Variants in IGFBP2 observed in about 807,000 individuals in gnomAD.
The protein encoded by IGFBP2 is insulin-like growth factor-binding protein 2.
In IGFBP2, 12 loss-of-function variants were observed where a neutral mutation model predicts 26.2. That is an observed-to-expected ratio of 0.46 (90% CI 0.29 to 0.74). The LOEUF is 0.74. Among genes scored for constraint, IGFBP2 ranks in the 30% least tolerant of loss-of-function variants. The probability of loss-of-function intolerance (pLI) is 0.09; values close to 1 mark genes in which losing one functional copy is unlikely to be tolerated. For missense variants in IGFBP2, 328 were observed against 441.2 expected, an observed-to-expected ratio of 0.74 and a Z score of 2.30; for synonymous variants, 189 against 200.6, an observed-to-expected ratio of 0.94 and a Z score of 0.49.
At chr2:216,634,912 C>T (rs1342334303) in intron 1 of IGFBP2, among the ~76,000 whole-genome samples, 5 of 21,636 alleles carry the variant, frequency 2.3e-4, no homozygotes, top group Non-Finnish European at 6.7e-4. Context: ...TTTTTAATTA[C>T]GAAAGCCTCC....
chr2:216,643,466 C>T (rs1406370744), intron 1 of IGFBP2, among the ~76,000 whole-genome samples: 1 of 152,150 alleles, frequency 6.6e-6, no homozygotes, highest in East Asian at 1.9e-4. Context: ...AAGGCGGATG[C>T]TTGAGTCTCT....
Position 216,661,843 on chromosome 2 carries a change from T to C in IGFBP2, c.673-15T>C. 2 of 1,614,050 alleles carry C rather than the reference T, an allele frequency of 1.2e-6. No homozygotes were observed. The highest frequency in any genetic ancestry group is 1.7e-6 in the Non-Finnish European group (2 of 1,180,024). On this transcript the variant is annotated splice_polypyrimidine_tract_variant and intron_variant, in intron 2 of 3. Transcript: ENST00000233809. ...TGTCCTCACTCCGGGCGTCCCCTGCTGTCTGTGCGTGCAGACTCCCTGCCA... is the reference window on the plus strand; with the variant it reads ...TGTCCTCACTCCGGGCGTCCCCTGCCGTCTGTGCGTGCAGACTCCCTGCCA...
chr2:216,639,058 GCTGGAGTGCAGTCGCCCAGC>G (rs1466764870), intron 1 of IGFBP2, among the ~76,000 whole-genome samples: 3 of 134,468 alleles, frequency 2.2e-5, no homozygotes, highest in Non-Finnish European at 4.7e-5. Context: ...CGTCGCCCAG[GCTGGAGTGCAGTCGCCCAGC>G]CTGGAGTGCA....
At chr2:216,639,439 T>A (rs1358195936) in intron 1 of IGFBP2, among the ~76,000 whole-genome samples, 1 of 152,088 alleles carries the variant, frequency 6.6e-6, no homozygotes, top group East Asian at 1.9e-4. Context: ...GACAGGGGGC[T>A]GCTGAAAGGA....
intron 1 of IGFBP2, among the ~76,000 whole-genome samples, chr2:216,637,427 G>A (rs1393477278): frequency 1.3e-5 from 2 of 152,208 alleles, no homozygotes; most frequent in Non-Finnish European, 2.9e-5. Flanking sequence ...CTGACGCCTG[G>A]GGCTGCCGTT....
chr2:216,633,488 T>C lies in IGFBP2; in HGVS notation c.-36T>C. 1.7e-6 allele frequency: 1 copy of C among 578,666 alleles called. No individual in the cohort carries two copies. Among genetic ancestry groups the C allele is most frequent in the Non-Finnish European group, 2.2e-6 (1 of 455,958 alleles). The allele number at this position is 578,666 out of a possible 1,614,324, so 35.8% of individuals were successfully genotyped here. Reference sequence around the variant, plus strand: ...GCCACCTGCCCGCCCGCCCGCTCGCTCGCTCGCCCGCCGCGCCGCGCTGCC... The same window carrying C: ...GCCACCTGCCCGCCCGCCCGCTCGCCCGCTCGCCCGCCGCGCCGCGCTGCC... On this transcript the variant is annotated 5_prime_UTR_variant, in exon 1 of 4. Transcript: ENST00000233809.
chr2:216,649,300 T>A (rs1369437106), intron 1 of IGFBP2, among the ~76,000 whole-genome samples: 1 of 152,264 alleles, frequency 6.6e-6, no homozygotes, highest in Non-Finnish European at 1.5e-5. Context: ...ATTACCCTAC[T>A]GGTTTTATTT....
chr2:216,648,755 T>C (rs1277450016), intron 1 of IGFBP2, among the ~76,000 whole-genome samples: 2 of 152,030 alleles, frequency 1.3e-5, no homozygotes, highest in Non-Finnish European at 2.9e-5. Flanking sequence ...ATTACAGGCA[T>C]GCACCACCAT....
At chr2:216,635,149 G>A (rs1463269252) in intron 1 of IGFBP2, among the ~76,000 whole-genome samples, 1 of 151,992 alleles carries the variant, frequency 6.6e-6, no homozygotes, top group Non-Finnish European at 1.5e-5. Flanking sequence ...GTCGGCTATT[G>A]TTTTTTTCCC....
At chr2:216,660,521 G>A (rs774906402) in intron 1 of IGFBP2, 36 bp from the exon 2 acceptor site, 34 of 1,523,008 alleles carry the variant, frequency 2.2e-5, no homozygotes, top group Non-Finnish European at 2.9e-5. Context: ...CTGGGAAACT[G>A]GACCTGGAGC....
chr2:216,639,100 T>G (rs1697562570), intron 1 of IGFBP2, among the ~76,000 whole-genome samples: 1 of 149,102 alleles, frequency 6.7e-6, no homozygotes, highest in South Asian at 2.1e-4. Context: ...TGGCGTGATC[T>G]TGGCTCACTG....
Position 216,633,585 on chromosome 2 carries a change from T to C in IGFBP2, c.62T>C (p.Leu21Pro), listed in dbSNP as rs1697429688. 1.2e-5 allele frequency: 12 copies of C among 1,018,134 alleles called. No homozygotes were observed. The Admixed American group carries it at 2.9e-4, about 25-fold the overall frequency. The allele number at this position is 1,018,134 out of a possible 1,614,324, so 63.1% of individuals were successfully genotyped here. Residue 21 changes from leucine (L) to proline (P), a missense_variant, in exon 1 of 4, where the codon CTG (leucine) becomes CCG (proline). By Grantham distance (98) the Leu-to-Pro change is moderately conservative. Coordinates refer to ENST00000233809, the MANE Select transcript of IGFBP2 (RefSeq NM_000597.3). Reference sequence around the variant, plus strand: ...CCGCCGCCGCCGCTGCTGCCGCTGCTGCTGCTGCTACTGGGCGCGAGTGGC... The same window carrying C: ...CCGCCGCCGCCGCTGCTGCCGCTGCCGCTGCTGCTACTGGGCGCGAGTGGC... ...PLPPPPLLPL[L>P]LLLLGASGGG...
intron 2 of IGFBP2, 82 bp from the exon 3 acceptor site, chr2:216,661,776 T>C (rs1688654232): frequency 6.5e-7 from 1 of 1,528,702 alleles, no homozygotes; most frequent in Admixed American, 1.7e-5. Flanking sequence ...GTGCAGCAGC[T>C]TCTCGCTGAG....
At chr2:216,659,620 CTG>C in intron 1 of IGFBP2, 1 of 938,078 alleles carries the variant, frequency 1.1e-6, no homozygotes, top group Non-Finnish European at 1.7e-6. Context: ...CAGAGTGAGA[CTG>C]TGGCAGGCTG....
At chr2:216,643,256 T>A (rs1697650653) in intron 1 of IGFBP2, among the ~76,000 whole-genome samples, 1 of 152,168 alleles carries the variant, frequency 6.6e-6, no homozygotes, top group Non-Finnish European at 1.5e-5. Context: ...GGGAGCAGCA[T>A]CTCATTTTGC....
chr2:216,642,219 C>T (rs1422730416), intron 1 of IGFBP2, among the ~76,000 whole-genome samples: 6 of 151,610 alleles, frequency 4.0e-5, no homozygotes, highest in African/African-American at 7.3e-5. Flanking sequence ...AGGATGGTCT[C>T]GATCTCTTGA....
intron 1 of IGFBP2, among the ~76,000 whole-genome samples, chr2:216,637,241 T>C (rs1697517527): frequency 6.6e-6 from 1 of 152,186 alleles, no homozygotes; most frequent in Non-Finnish European, 1.5e-5. Context: ...CTAGTTCTGC[T>C]AAGCAGCGCT....
chr2:216,649,079 A>C (rs1697769611), intron 1 of IGFBP2, among the ~76,000 whole-genome samples: 2 of 152,338 alleles, frequency 1.3e-5, no homozygotes, highest in Admixed American at 6.5e-5. Flanking sequence ...CATATATGTG[A>C]TAGATGACTA....
intron 1 of IGFBP2, among the ~76,000 whole-genome samples, chr2:216,644,073 C>G (rs986827094): frequency 9.2e-5 from 14 of 152,196 alleles, no homozygotes; most frequent in Admixed American, 5.2e-4. Context: ...CTGGCTCAGC[C>G]CCTGGGTGTC....
Sources: allele counts gnomAD v4.1 joint callset (sites outside exome capture counted in the v4.1 genomes callset), GRCh38; gene constraint gnomAD v4.1.1; transcripts MANE v1.5; gene names NCBI Gene and HGNC (gene_info 2026-07-23, HGNC 2026-07-21).